The following COX7B2 variants were observed in gnomAD, a reference collection of about 807,000 sequenced individuals.
The protein encoded by COX7B2 is cytochrome c oxidase subunit 7B2, also known as cytochrome c oxidase subunit 7B2, mitochondrial.
For synonymous variants in COX7B2, 37 were observed against 32.1 expected (o/e 1.15, Z -0.51); for missense variants, 109 against 95.9 (o/e 1.14, Z -0.57).
intron 2 of COX7B2, among the ~76,000 whole-genome samples, chr4:46,834,979 AC>A (rs1715407487): frequency 6.6e-6 from 1 of 152,162 alleles, no homozygotes; most frequent in Non-Finnish European, 1.5e-5. Flanking sequence ...AATTATATAA[AC>A]TGATAATTCA....
intron 2 of COX7B2, among the ~76,000 whole-genome samples, chr4:46,781,807 G>C (rs1717471484): frequency 6.6e-6 from 1 of 152,222 alleles, no homozygotes; most frequent in Non-Finnish European, 1.5e-5. Flanking sequence ...CAAGCAGTGA[G>C]AGGCTTAGCA....
chr4:46,819,944 G>A (rs1319406585), intron 2 of COX7B2, among the ~76,000 whole-genome samples: 1 of 152,146 alleles, frequency 6.6e-6, no homozygotes, highest in East Asian at 1.9e-4. Context: ...TCAATCAGAT[G>A]TCTTCATTCC....
intron 2 of COX7B2, among the ~76,000 whole-genome samples, chr4:46,803,599 G>A (rs573639293): frequency 6.6e-6 from 1 of 152,120 alleles, no homozygotes; most frequent in Non-Finnish European, 1.5e-5. Flanking sequence ...CTCCAAAAGT[G>A]TTTAGCATAT....
chr4:46,756,448 T>C (rs1715806324), intron 2 of COX7B2, among the ~76,000 whole-genome samples: 1 of 151,868 alleles, frequency 6.6e-6, no homozygotes, highest in African/African-American at 2.4e-5. Context: ...AATAGACAAA[T>C]TGAATTTAAT....
chr4:46,848,990 T>C (rs78279012), intron 1 of COX7B2, among the ~76,000 whole-genome samples: 2,631 of 152,186 alleles, frequency 0.017, 59 homozygotes, highest in East Asian at 0.11. Context: ...AAATGCTATG[T>C]AATTACTGTG....
chr4:46,741,855 C>T (rs1448829537), intron 2 of COX7B2, among the ~76,000 whole-genome samples: 2 of 152,066 alleles, frequency 1.3e-5, no homozygotes, highest in Non-Finnish European at 2.9e-5. Flanking sequence ...AGGGGAGTAG[C>T]CTGAGAATCT....
chr4:46,782,412 G>A (rs947484275), intron 2 of COX7B2, among the ~76,000 whole-genome samples: 1 of 152,070 alleles, frequency 6.6e-6, no homozygotes, highest in African/African-American at 2.4e-5. Context: ...TTTGTGCCTA[G>A]CTAAAGGATT....
At chr4:46,862,935 A>T (rs1717426604) in intron 1 of COX7B2, among the ~76,000 whole-genome samples, 1 of 152,200 alleles carries the variant, frequency 6.6e-6, no homozygotes. Context: ...CGTATGGGTC[A>T]TTTCCAATTA....
chr4:46,748,147 A>G (rs572279282), intron 2 of COX7B2, among the ~76,000 whole-genome samples: 1 of 152,350 alleles, frequency 6.6e-6, no homozygotes, highest in Non-Finnish European at 1.5e-5. Context: ...AATAGTAGCC[A>G]TGCTTCATAA....
chr4:46,735,281 T>C (rs2109382617), intron 2 of COX7B2, 40 bp from the exon 3 acceptor site: 1 of 1,436,400 alleles, frequency 7.0e-7, no homozygotes, highest in Non-Finnish European at 9.6e-7. Context: ...GTCCAATCTT[T>C]ATTCAATTCC....
intron 2 of COX7B2, among the ~76,000 whole-genome samples, chr4:46,830,324 C>CAAAAAAA (rs201868075): frequency 6.1e-5 from 5 of 82,128 alleles, no homozygotes; most frequent in Non-Finnish European, 9.8e-5. Context: ...ACTCTGTCTC[C>CAAAAAAA]AAAAAAAAAA....
At chr4:46,792,679 C>A (rs1012441346) in intron 2 of COX7B2, among the ~76,000 whole-genome samples, 1 of 152,136 alleles carries the variant, frequency 6.6e-6, no homozygotes, top group African/African-American at 2.4e-5. Context: ...TCTCAGCCTC[C>A]AAAGTCATGT....
At chr4:46,832,134 C>T (rs113797207) in intron 2 of COX7B2, among the ~76,000 whole-genome samples, 10,253 of 152,132 alleles carry the variant, frequency 0.067, 422 homozygotes, top group South Asian at 0.1. Flanking sequence ...CCTTCCACAC[C>T]GTGGAAGGTT....
chr4:46,788,205 A>G (rs1002114250), intron 2 of COX7B2, among the ~76,000 whole-genome samples: 4 of 152,226 alleles, frequency 2.6e-5, no homozygotes, highest in African/African-American at 9.6e-5. Context: ...ATTTAATATG[A>G]TTGGTCATTT....
At chr4:46,770,569 A>G (rs961792119) in intron 2 of COX7B2, among the ~76,000 whole-genome samples, 1 of 152,152 alleles carries the variant, frequency 6.6e-6, no homozygotes, top group Non-Finnish European at 1.5e-5. Flanking sequence ...CCTGATTTCT[A>G]ATATACCATA....
At chr4:46,765,889 C>T (rs1382092587) in intron 2 of COX7B2, among the ~76,000 whole-genome samples, 1 of 152,180 alleles carries the variant, frequency 6.6e-6, no homozygotes, top group Non-Finnish European at 1.5e-5. Flanking sequence ...CAGGCTGACT[C>T]TCACAGCCAT....
intron 2 of COX7B2, among the ~76,000 whole-genome samples, chr4:46,787,851 G>A (rs950962064): frequency 1.3e-5 from 2 of 152,074 alleles, no homozygotes; most frequent in African/African-American, 2.4e-5. Context: ...TAGTCAACCC[G>A]AGTTTTAGAG....
chr4:46,906,147 T>C (rs1720381427), intron 1 of COX7B2, among the ~76,000 whole-genome samples: 1 of 152,168 alleles, frequency 6.6e-6, no homozygotes, highest in African/African-American at 2.4e-5. Flanking sequence ...TTCAATCCTA[T>C]ATTACAGTAG....
intron 2 of COX7B2, among the ~76,000 whole-genome samples, chr4:46,777,930 G>A (rs1717247650): frequency 6.6e-6 from 1 of 151,986 alleles, no homozygotes. Flanking sequence ...GAAAATATAA[G>A]CTCCATGAAG....
Sources: allele counts gnomAD v4.1 joint callset (sites outside exome capture counted in the v4.1 genomes callset), GRCh38; gene constraint gnomAD v4.1.1; transcripts MANE v1.5; gene names NCBI Gene and HGNC (gene_info 2026-07-23, HGNC 2026-07-21).